Variants in KPNA1 observed in about 807,000 individuals in gnomAD.
KPNA1 encodes the protein importin subunit alpha-5.
Under a neutral mutation model 70.5 loss-of-function variants are expected in KPNA1, and 10 were observed. That is an observed-to-expected ratio of 0.14 (90% CI 0.09 to 0.24). The LOEUF (loss-of-function observed/expected upper bound fraction) is 0.24, where lower values mean the gene tolerates loss of function less well. Among genes scored for constraint, KPNA1 ranks in the 10% least tolerant of loss-of-function variants. The pLI is 1.00. For missense variants in KPNA1, 397 were observed against 637.9 expected, an observed-to-expected ratio of 0.62 and a Z score of 4.07; for synonymous variants, 192 against 221.9, an observed-to-expected ratio of 0.87 and a Z score of 1.20.
intron 1 of KPNA1, among the ~76,000 whole-genome samples, chr3:122,496,964 A>G (rs2076769223): frequency 6.6e-6 from 1 of 152,204 alleles, no homozygotes; most frequent in South Asian, 2.1e-4. Flanking sequence ...TTGGCCTCCC[A>G]AAGGGCTGGG....
intron 2 of KPNA1, among the ~76,000 whole-genome samples, chr3:122,495,726 CAAAA>C (rs397876048): frequency 2.2e-4 from 15 of 67,930 alleles, no homozygotes; most frequent in African/African-American, 9.7e-4. Flanking sequence ...CTCTCCTTAG[CAAAA>C]AAAAAAAAAA....
At chr3:122,478,246 G>A (rs1032836358) in intron 2 of KPNA1, among the ~76,000 whole-genome samples, 2 of 151,690 alleles carry the variant, frequency 1.3e-5, no homozygotes, top group Non-Finnish European at 2.9e-5. Flanking sequence ...GGCACACACA[G>A]GCAAAAAAAC....
chr3:122,503,198 G>C (rs1255668237), intron 1 of KPNA1, among the ~76,000 whole-genome samples: 1 of 152,030 alleles, frequency 6.6e-6, no homozygotes, highest in Non-Finnish European at 1.5e-5. Flanking sequence ...TTAGAGGTCT[G>C]TATTCAATGT....
chr3:122,509,257 A>AAG (rs1374717668), intron 1 of KPNA1, among the ~76,000 whole-genome samples: 1 of 152,034 alleles, frequency 6.6e-6, no homozygotes, highest in Non-Finnish European at 1.5e-5. Flanking sequence ...CAAAAAAAAA[A>AAG]AAAAGAAAGA....
chr3:122,480,743 T>C (rs1399172778), intron 2 of KPNA1, among the ~76,000 whole-genome samples: 1 of 151,704 alleles, frequency 6.6e-6, no homozygotes, highest in African/African-American at 2.4e-5. Context: ...CCCTAGTGCT[T>C]TGGGAGGCTG....
chr3:122,460,406 G>T, intron 5 of KPNA1: 1 of 694,016 alleles, frequency 1.4e-6, no homozygotes, highest in Non-Finnish European at 1.8e-6. Context: ...GGGAGGCCAA[G>T]CAGGTGGATC....
rs150428725 is a variant in KPNA1, at chr3:122,494,507, C to T, written c.129+1930G>A. Among the ~76,000 whole-genome samples the T allele has an allele frequency of 1.2e-3, 181 of 152,168 alleles. 1 individual carries two copies. Among genetic ancestry groups the T allele is most frequent in the African/African-American group, 4.1e-3 (171 of 41,510 alleles). ...TTGACTTATATGTCTACTTTTATAC[C>T]AGTACTGTGCTGTTTTCAATTACTA... On this transcript the variant is annotated intron_variant, in intron 2 of 13. Coordinates refer to ENST00000344337, the MANE Select transcript of KPNA1 (RefSeq NM_002264.4).
chr3:122,457,612 A>T, intron 5 of KPNA1: 1 of 930,842 alleles, frequency 1.1e-6, no homozygotes, highest in Non-Finnish European at 1.4e-6. Flanking sequence ...CTACACCTGA[A>T]ATCTGCACAC....
At chr3:122,462,125 CA>C (rs550371130) in intron 4 of KPNA1, among the ~76,000 whole-genome samples, 1 of 150,968 alleles carries the variant, frequency 6.6e-6, no homozygotes, top group Non-Finnish European at 1.5e-5. Flanking sequence ...CAGGTAAGCA[CA>C]AAAAAACAAA....
chr3:122,485,137 C>T (rs2076615287), intron 2 of KPNA1, among the ~76,000 whole-genome samples: 3 of 152,110 alleles, frequency 2.0e-5, no homozygotes, highest in Non-Finnish European at 4.4e-5. Flanking sequence ...TGGTCTCAAA[C>T]TCCTGTGCTT....
intron 9 of KPNA1, among the ~76,000 whole-genome samples, chr3:122,444,986 C>T (rs532293087): frequency 1.3e-5 from 2 of 152,316 alleles, no homozygotes. Flanking sequence ...AAAACCAGAG[C>T]GCCTGTTTTC....
At chr3:122,506,800 T>C (rs1013647660) in intron 1 of KPNA1, among the ~76,000 whole-genome samples, 1 of 152,208 alleles carries the variant, frequency 6.6e-6, no homozygotes, top group African/African-American at 2.4e-5. Context: ...TATCTATAGG[T>C]TCCCAAGCTG....
At chr3:122,508,160 A>G (rs911295871) in intron 1 of KPNA1, among the ~76,000 whole-genome samples, 1 of 152,228 alleles carries the variant, frequency 6.6e-6, no homozygotes. Context: ...AACCAGAACC[A>G]CGGCATAAAG....
At chr3:122,505,008 G>T (rs1377296529) in intron 1 of KPNA1, among the ~76,000 whole-genome samples, 1 of 151,562 alleles carries the variant, frequency 6.6e-6, no homozygotes, top group Non-Finnish European at 1.5e-5. Context: ...TTCCTTTTAA[G>T]ATCCCCAAGT....
At chr3:122,512,738 A>T (rs1484013120) in intron 1 of KPNA1, among the ~76,000 whole-genome samples, 3 of 152,230 alleles carry the variant, frequency 2.0e-5, no homozygotes, top group African/African-American at 7.2e-5. Flanking sequence ...TAAATAAAAT[A>T]AAAAATACCA....
At chr3:122,496,610 G>A in intron 1 of KPNA1, 40 bp from the exon 2 acceptor site, 1 of 1,585,654 alleles carries the variant, frequency 6.3e-7, no homozygotes, top group Non-Finnish European at 8.6e-7. Flanking sequence ...AGTTTACTGT[G>A]AAGAGCTCTG....
chr3:122,508,971 C>T (rs977985692), intron 1 of KPNA1, among the ~76,000 whole-genome samples: 3 of 152,110 alleles, frequency 2.0e-5, no homozygotes, highest in South Asian at 4.1e-4. Context: ...AGAGGCTGGA[C>T]GCGGTAGCTC....
Position 122,441,847 on chromosome 3 carries a change from C to T in KPNA1, c.996+191G>A, listed in dbSNP as rs553457011. Among the ~76,000 whole-genome samples, 10 of 152,284 alleles carry T rather than the reference C, an allele frequency of 6.6e-5. No homozygotes were observed. The East Asian group carries it at 1.2e-3, about 18-fold the overall frequency. ...AACTCCTGAGCTCAGGCAATCCGTC[C>T]GCCTCAGTCTCCCAAAGTGCTGGGA... On this transcript the variant is annotated intron_variant, in intron 10 of 13. Transcript: ENST00000344337.
intron 1 of KPNA1, among the ~76,000 whole-genome samples, chr3:122,502,983 A>C (rs1219996378): frequency 6.6e-6 from 1 of 152,138 alleles, no homozygotes; most frequent in Non-Finnish European, 1.5e-5. Context: ...CTGTGGTCCC[A>C]GCTACTTGGG....
Sources: gnomAD v4.1 joint callset for allele counts (sites outside exome capture counted in the v4.1 genomes callset) on GRCh38, gnomAD v4.1.1 for gene constraint, MANE v1.5 for transcripts, NCBI Gene and HGNC (gene_info 2026-07-23, HGNC 2026-07-21) for gene names.